MAP3K21: variants seen among roughly 807,000 people sequenced by gnomAD.
MAP3K21 encodes mitogen-activated protein kinase kinase kinase MLK4.
Under a neutral mutation model 86.1 loss-of-function variants are expected in MAP3K21, and 63 were observed. The observed-to-expected ratio is 0.73, with a 90% CI of 0.60 to 0.90. The LOEUF (loss-of-function observed/expected upper bound fraction) is 0.90, where lower values mean the gene tolerates loss of function less well. Ranked by LOEUF, MAP3K21 falls within the 40% of genes least tolerant of loss-of-function variation. MAP3K21 has a pLI of 0.00. For synonymous variants in MAP3K21, 558 were observed against 564.8 expected, an observed-to-expected ratio of 0.99 and a Z score of 0.17; for missense variants, 1,220 against 1,367.7, an observed-to-expected ratio of 0.89 and a Z score of 1.70.
intron 6 of MAP3K21, among the ~76,000 whole-genome samples, chr1:233,375,472 T>G (rs1262810031): frequency 6.6e-6 from 1 of 152,200 alleles, no homozygotes; most frequent in Non-Finnish European, 1.5e-5. Flanking sequence ...TGTGACGACT[T>G]ATGAAAAATT....
intron 1 of MAP3K21, among the ~76,000 whole-genome samples, chr1:233,335,416 G>A (rs1449308071): frequency 1.3e-5 from 2 of 152,090 alleles, no homozygotes; most frequent in Non-Finnish European, 2.9e-5. Context: ...GTAACAAGAT[G>A]AGTTTTTAAC....
chr1:233,360,444 G>T (rs1209554642), intron 4 of MAP3K21, among the ~76,000 whole-genome samples: 1 of 151,922 alleles, frequency 6.6e-6, no homozygotes, highest in African/African-American at 2.4e-5. Flanking sequence ...ACATCATTTG[G>T]TCTAAAATAA....
At chr1:233,349,951 A>G (rs1428088780) in intron 2 of MAP3K21, among the ~76,000 whole-genome samples, 3 of 151,988 alleles carry the variant, frequency 2.0e-5, no homozygotes, top group Non-Finnish European at 4.4e-5. Context: ...AGAAAAAAAA[A>G]AAGGCGAAAG....
At chr1:233,368,771 C>T (rs1663629319) in intron 5 of MAP3K21, among the ~76,000 whole-genome samples, 1 of 152,190 alleles carries the variant, frequency 6.6e-6, no homozygotes, top group Admixed American at 6.5e-5. Flanking sequence ...CAGCAACTCA[C>T]TTCAAGCACC....
intron 4 of MAP3K21, among the ~76,000 whole-genome samples, chr1:233,356,612 C>T (rs1333349219): frequency 6.6e-6 from 1 of 152,188 alleles, no homozygotes; most frequent in East Asian, 1.9e-4. Flanking sequence ...CAGAAACTCA[C>T]ACATGTGCCC....
At chr1:233,349,441 C>A (rs978367193) in intron 2 of MAP3K21, among the ~76,000 whole-genome samples, 1 of 152,054 alleles carries the variant, frequency 6.6e-6, no homozygotes, top group Admixed American at 6.6e-5. Flanking sequence ...ACCAGGTATA[C>A]GAATGCTGTG....
intron 2 of MAP3K21, among the ~76,000 whole-genome samples, chr1:233,348,525 G>A (rs1428119319): frequency 6.6e-6 from 1 of 152,068 alleles, no homozygotes; most frequent in Non-Finnish European, 1.5e-5. Context: ...AGATTGCTTG[G>A]CCATATGGTA....
intron 6 of MAP3K21, 115 bp from the exon 7 acceptor site, chr1:233,375,801 C>T (rs1663784526): frequency 7.0e-6 from 5 of 718,914 alleles, no homozygotes; most frequent in Non-Finnish European, 2.3e-6. Context: ...TCATTGTTTT[C>T]ATGTTTTGAG....
intron 5 of MAP3K21, among the ~76,000 whole-genome samples, chr1:233,371,534 GT>G (rs1160637834): frequency 6.6e-6 from 1 of 151,864 alleles, no homozygotes; most frequent in Non-Finnish European, 1.5e-5. Context: ...TAATTTTTGT[GT>G]TTTTAGTAGA....
chr1:233,344,205 T>G (rs1174761353), intron 1 of MAP3K21, among the ~76,000 whole-genome samples: 1 of 152,226 alleles, frequency 6.6e-6, no homozygotes, highest in Non-Finnish European at 1.5e-5. Flanking sequence ...ACCAATGACT[T>G]TCTTCACAGA....
chr1:233,365,612 G>C (rs1294255), intron 5 of MAP3K21, among the ~76,000 whole-genome samples: 51,368 of 152,008 alleles, frequency 0.34, 9,598 homozygotes, highest in East Asian at 0.42. Flanking sequence ...TTATCAAAGA[G>C]ACGAAAAATA....
At chr1:233,352,525 G>C (rs970602623) in intron 2 of MAP3K21, among the ~76,000 whole-genome samples, 7 of 151,950 alleles carry the variant, frequency 4.6e-5, no homozygotes, top group Admixed American at 1.3e-4. Flanking sequence ...CTGCCTCTGA[G>C]GTTCAAGTGA....
At position 233,379,703 on chromosome 1, in the gene MAP3K21, G is replaced by A. The variant is rs772424595; in HGVS notation, c.2697G>A (p.Pro899=). 9.3e-6 allele frequency: 15 copies of A among 1,608,498 alleles called. No homozygotes were observed. The highest frequency in any genetic ancestry group is 2.2e-5 in the East Asian group (1 of 44,838). The part of the protein sequence containing the change: ...HHRRTMSDGN[P]TPTGATIISA... ...GACGGACCATGTCTGATGGAAATCC[G>A]ACCCCAAGTAGGTTGCATTAATTAG... Residue 899 remains proline, a synonymous_variant, in exon 9 of 10, where the codon CCG becomes CCA. Transcript: ENST00000366624.
intron 6 of MAP3K21, 62 bp from the exon 7 acceptor site, chr1:233,375,854 A>G: frequency 7.3e-7 from 1 of 1,376,844 alleles, no homozygotes; most frequent in Non-Finnish European, 1.0e-6. Context: ...AGCTTTTTTA[A>G]CAAAGCCAAT....
At chr1:233,342,517 G>A (rs1266448913) in intron 1 of MAP3K21, among the ~76,000 whole-genome samples, 1 of 152,228 alleles carries the variant, frequency 6.6e-6, no homozygotes, top group Non-Finnish European at 1.5e-5. Context: ...AGGCGATATG[G>A]AGGATTCGCA....
chr1:233,380,719 T>C (rs1352363519), intron 9 of MAP3K21, among the ~76,000 whole-genome samples: 3 of 152,220 alleles, frequency 2.0e-5, no homozygotes, highest in Non-Finnish European at 2.9e-5. Flanking sequence ...GTTAAAGCAC[T>C]TGGACATAAA....
chr1:233,375,566 T>C (rs1246428137), intron 6 of MAP3K21, among the ~76,000 whole-genome samples: 1 of 152,220 alleles, frequency 6.6e-6, no homozygotes, highest in Non-Finnish European at 1.5e-5. Flanking sequence ...ATTAGAGTAC[T>C]AAGTTCATTT....
In MAP3K21 at chr1:233,362,036, G is replaced by A. The variant is rs1293888910; in HGVS notation, c.1312-17G>A. ...CCTGCTGGGAATGATTCCGGTGGGT[G>A]TGAATCTGTGTCGCAGGAGCTGCGA... On this transcript the variant is annotated splice_polypyrimidine_tract_variant and intron_variant, in intron 4 of 9. Transcript: ENST00000366624. 1.2e-6 allele frequency: 2 copies of A among 1,609,248 alleles called. No homozygotes were observed. The highest frequency in any genetic ancestry group is 8.5e-7 in the Non-Finnish European group (1 of 1,178,006).
intron 4 of MAP3K21, among the ~76,000 whole-genome samples, chr1:233,360,634 A>G (rs921644170): frequency 2.0e-5 from 3 of 152,240 alleles, no homozygotes; most frequent in Admixed American, 6.5e-5. Context: ...ATATTGTCCC[A>G]TTTATTTGTG....
Sources: gnomAD v4.1 joint callset for allele counts (sites outside exome capture counted in the v4.1 genomes callset) on GRCh38, gnomAD v4.1.1 for gene constraint, MANE v1.5 for transcripts, NCBI Gene and HGNC (gene_info 2026-07-23, HGNC 2026-07-21) for gene names.